Variants in GDAP2 observed in about 807,000 individuals in gnomAD.
GDAP2 encodes the protein ganglioside-induced differentiation-associated protein 2.
A neutral mutation model predicts 67.0 loss-of-function variants in GDAP2; 51 were observed. The observed-to-expected ratio is 0.76, with a 90% CI of 0.61 to 0.96. The LOEUF is 0.96. Among genes scored for constraint, GDAP2 ranks in the 40% least tolerant of loss-of-function variants. The probability of loss-of-function intolerance (pLI) is 0.00; values close to 1 mark genes in which losing one functional copy is unlikely to be tolerated. For synonymous variants in GDAP2, 203 were observed against 207.3 expected (o/e 0.98, Z 0.18); for missense variants, 547 against 588.3 (o/e 0.93, Z 0.73).
intron 6 of GDAP2, among the ~76,000 whole-genome samples, chr1:117,901,075 A>C (rs1443340673): frequency 6.6e-6 from 1 of 152,126 alleles, no homozygotes; most frequent in Admixed American, 6.6e-5. Context: ...ATAAATAATA[A>C]ATAAAAATAA....
intron 1 of GDAP2, among the ~76,000 whole-genome samples, chr1:117,927,529 A>C (rs114416978): frequency 0.013 from 2,029 of 152,236 alleles, 37 homozygotes; most frequent in South Asian, 0.092. Context: ...GACCGCCATT[A>C]ATTACCGGGT....
At chr1:117,903,975 G>A (rs1330088617) in intron 6 of GDAP2, among the ~76,000 whole-genome samples, 1 of 151,010 alleles carries the variant, frequency 6.6e-6, no homozygotes, top group Non-Finnish European at 1.5e-5. Context: ...TAATCTATGA[G>A]TTTATGATTT....
rs755492752 is a variant in GDAP2 at position 117,869,408 on chromosome 1, C to G, written c.*1161G>C. On this transcript the variant is annotated 3_prime_UTR_variant, in exon 14 of 14. Transcript: ENST00000369443. Reference sequence around the variant, plus strand: ...TATTGCCACACAAAAAGAAAAATCACTCAAATGGTATCAAGGACAAGAGGA... The same window carrying G: ...TATTGCCACACAAAAAGAAAAATCAGTCAAATGGTATCAAGGACAAGAGGA... 6.6e-6 allele frequency: 1 copy of G among 152,424 alleles called. No homozygotes were observed. The highest frequency in any genetic ancestry group is 1.5e-5 in the Non-Finnish European group (1 of 68,036). The allele number at this position is 152,424 out of a possible 1,614,324, so 9.4% of individuals were successfully genotyped here. A position where few individuals can be genotyped will look rare whatever the true frequency, so the allele number is the denominator to read the frequency against.
In GDAP2 at chr1:117,883,525, C is replaced by T. The variant is rs148217136; in HGVS notation, c.1210G>A (p.Asp404Asn). ...ACATCGTAGAGTTTCTTCAGGAAGT[C>T]GGAGTCCAGGTGATTGTATTCGCTG... ...LTSEYNHLDS[D>N]FLKKLYDVVD... The change falls in exon 11 of 14, where the codon GAC becomes AAC. Residue 404 changes from aspartate (D) to asparagine (N), a missense_variant. Physicochemically the swap from Asp to Asn is conservative, Grantham distance 23 (BLOSUM62 1). Transcript: ENST00000369443. 75 of 1,612,570 alleles carry T rather than the reference C, an allele frequency of 4.7e-5. 1 individual carries two copies. In the East Asian group the frequency reaches 1.5e-3, roughly 32 times the overall value.
chr1:117,927,306 G>A (rs1482241405), intron 1 of GDAP2, among the ~76,000 whole-genome samples: 3 of 151,972 alleles, frequency 2.0e-5, no homozygotes, highest in Non-Finnish European at 4.4e-5. Context: ...TGGCTAGAGA[G>A]ATCAGATTTT....
chr1:117,914,622 T>A (rs1649982403), intron 3 of GDAP2, among the ~76,000 whole-genome samples: 1 of 151,788 alleles, frequency 6.6e-6, no homozygotes, highest in African/African-American at 2.4e-5. Context: ...TGAAGGCAAA[T>A]CCCTGTAAAA....
At chr1:117,906,196 A>G (rs1649651439) in intron 6 of GDAP2, among the ~76,000 whole-genome samples, 1 of 152,204 alleles carries the variant, frequency 6.6e-6, no homozygotes, top group Non-Finnish European at 1.5e-5. Context: ...TATGCTCCCC[A>G]AACACGCAGT....
chr1:117,922,289 T>C (rs966979414), intron 1 of GDAP2, among the ~76,000 whole-genome samples: 11 of 151,820 alleles, frequency 7.2e-5, no homozygotes, highest in Admixed American at 7.2e-4. Context: ...ACAACAAAAC[T>C]TAGAGGCTGG....
chr1:117,877,228 T>C, intron 13 of GDAP2: 1 of 897,600 alleles, frequency 1.1e-6, no homozygotes, highest in Non-Finnish European at 1.3e-6. Context: ...GAAATTGTGT[T>C]GCAGAATTTT....
At chr1:117,878,294 T>C (rs1013887563) in intron 12 of GDAP2, 142 bp from the exon 13 acceptor site, 1 of 534,066 alleles carries the variant, frequency 1.9e-6, no homozygotes, top group Non-Finnish European at 3.3e-6. Flanking sequence ...ATCTGAATTT[T>C]GCAATCATCA....
chr1:117,873,748 T>C (rs953560699), intron 13 of GDAP2, among the ~76,000 whole-genome samples: 1 of 152,014 alleles, frequency 6.6e-6, no homozygotes, highest in Non-Finnish European at 1.5e-5. Context: ...ATCCACCAAG[T>C]CTCCCAAAGC....
At chr1:117,896,575 T>C (rs547711551) in intron 8 of GDAP2, 16 of 310,804 alleles carry the variant, frequency 5.1e-5, no homozygotes, top group Non-Finnish European at 8.2e-5. Flanking sequence ...ATTACTATTG[T>C]AGTAGACAGG....
At chr1:117,910,827 T>C (rs894122055) in intron 5 of GDAP2, among the ~76,000 whole-genome samples, 13 of 152,206 alleles carry the variant, frequency 8.5e-5, no homozygotes, top group African/African-American at 2.9e-4. Context: ...TTCTTCCTTA[T>C]AACTTGGTCT....
intron 6 of GDAP2, among the ~76,000 whole-genome samples, chr1:117,900,264 C>T (rs1649405071): frequency 1.3e-5 from 2 of 152,088 alleles, no homozygotes; most frequent in African/African-American, 2.4e-5. Flanking sequence ...TACAGGTGTA[C>T]ACCACCATAC....
rs561711363 is a variant in GDAP2 at position 117,892,980 on chromosome 1, C to T, written c.953+3853G>A. Among the ~76,000 whole-genome samples the T allele has an allele frequency of 2.5e-4, 38 of 152,214 alleles. 2 individuals carry two copies. In the South Asian group the frequency reaches 7.7e-3, roughly 31 times the overall value. ...AGTAATTTAAACAATTATTCATATA[C>T]TAATTAGTTTAACATTTTTCTCCTC... On this transcript the variant is annotated intron_variant, in intron 8 of 13. Coordinates refer to ENST00000369443, the MANE Select transcript of GDAP2 (RefSeq NM_017686.4).
intron 1 of GDAP2, among the ~76,000 whole-genome samples, chr1:117,928,262 G>A (rs1002467546): frequency 3.9e-5 from 6 of 152,198 alleles, no homozygotes; most frequent in African/African-American, 1.2e-4. Context: ...CTGAATCTCT[G>A]AGAGAATTCG....
intron 10 of GDAP2, 39 bp from the exon 11 acceptor site, chr1:117,883,666 G>C: frequency 6.7e-7 from 1 of 1,481,710 alleles, no homozygotes; most frequent in African/African-American, 1.4e-5. Flanking sequence ...AGATCATTTT[G>C]AACAGTAGTC....
intron 12 of GDAP2, among the ~76,000 whole-genome samples, chr1:117,879,612 T>G (rs969482744): frequency 5.3e-5 from 8 of 152,154 alleles, no homozygotes; most frequent in African/African-American, 1.9e-4. Flanking sequence ...AAAAGATAGG[T>G]ACTATTATTT....
In GDAP2 at chr1:117,920,237, T is replaced by C. The variant is rs1650198541; in HGVS notation, c.121A>G (p.Thr41Ala). 6.2e-7 allele frequency: 1 copy of C among 1,609,664 alleles called. No individual in the cohort carries two copies. The highest frequency in any genetic ancestry group is 8.5e-7 in the Non-Finnish European group (1 of 1,176,458). Reference sequence around the variant, plus strand: ...TTATAAAGAAAAGGTGATCGAACAGTGTCTTCCTGAAATATTTCAGCTGTA... The same window carrying C: ...TTATAAAGAAAAGGTGATCGAACAGCGTCTTCCTGAAATATTTCAGCTGTA... ...DTTAEIFQED[T>A]VRSPFLYNKD... The change falls in exon 2 of 14, where the codon ACT (threonine) becomes GCT (alanine). Residue 41 changes from threonine to alanine, a missense_variant. Physicochemically the swap from Thr to Ala is moderately conservative, Grantham distance 58. Coordinates refer to ENST00000369443, the MANE Select transcript of GDAP2 (RefSeq NM_017686.4).
Sources: gnomAD v4.1 joint callset for allele counts (sites outside exome capture counted in the v4.1 genomes callset) on GRCh38, gnomAD v4.1.1 for gene constraint, MANE v1.5 for transcripts, NCBI Gene and HGNC (gene_info 2026-07-23, HGNC 2026-07-21) for gene names.